SLC24A2: variants seen among roughly 807,000 people sequenced by gnomAD.
SLC24A2 encodes the protein solute carrier family 24 member 2, also known as sodium/potassium/calcium exchanger 2.
In SLC24A2, 36 loss-of-function variants were observed where a neutral mutation model predicts 62.0. That is an observed-to-expected ratio of 0.58 (90% CI 0.44 to 0.77). The LOEUF is 0.77. Among genes scored for constraint, SLC24A2 ranks in the 30% least tolerant of loss-of-function variants. SLC24A2 has a pLI of 0.00. For synonymous variants in SLC24A2, 358 were observed against 294.0 expected (o/e 1.22, Z -2.23); for missense variants, 846 against 817.9 (o/e 1.03, Z -0.42).
the SLC24A2 span, among the ~76,000 whole-genome samples, chr9:19,850,388 C>G: frequency 1.3e-5 from 2 of 152,034 alleles, no homozygotes; most frequent in African/African-American, 2.4e-5. Flanking sequence ...AGATAACAAA[C>G]TTTTTAAATG....
At chr9:20,110,895 T>G in the SLC24A2 span, among the ~76,000 whole-genome samples, 1 of 152,182 alleles carries the variant, frequency 6.6e-6, no homozygotes, top group Non-Finnish European at 1.5e-5. Flanking sequence ...ATCTCTCAAA[T>G]GAGGATCCAT....
At position 19,513,297 on chromosome 9, in the gene SLC24A2, T is replaced by G. The variant is rs1234330235; in HGVS notation, c.*2856A>C. 2 of 151,694 alleles carry G rather than the reference T, an allele frequency of 1.3e-5. No homozygotes were observed. The highest frequency in any genetic ancestry group is 2.9e-5 in the Non-Finnish European group (2 of 67,974). 9.4% of individuals were successfully genotyped at this position (151,694 alleles called of 1,614,324 possible). ...AGTTCTTATAATTATGCCAATGATT[T>G]GAATGGTTTAAAGACCCATTGTTGA... On this transcript the variant is annotated 3_prime_UTR_variant, in exon 11 of 11. Transcript: ENST00000341998.
At chr9:20,156,688 T>C in the SLC24A2 span, among the ~76,000 whole-genome samples, 1 of 151,800 alleles carries the variant, frequency 6.6e-6, no homozygotes, top group Non-Finnish European at 1.5e-5. Flanking sequence ...TTCCTGTTTA[T>C]ACTGAATCCT....
At position 19,622,290 on chromosome 9, in the gene SLC24A2, C is replaced by A; in HGVS notation, c.940G>T (p.Ala314Ser). 6.2e-7 allele frequency: 1 copy of A among 1,613,046 alleles called. No individual in the cohort carries two copies. Among genetic ancestry groups the A allele is most frequent in the Non-Finnish European group, 8.5e-7 (1 of 1,179,234 alleles). ...AGAGTTGGTTCATCCTTGTCCCTGGCTGCAGATGGCTGCATAAGAGAAAAA... is the reference window on the plus strand; with the variant it reads ...AGAGTTGGTTCATCCTTGTCCCTGGATGCAGATGGCTGCATAAGAGAAAAA... ...APEAQAKPSAARDKDEPTLPA... is the reference protein window; with the variant it reads ...APEAQAKPSASRDKDEPTLPA... The change falls in exon 3 of 11, where the codon GCC becomes TCC. Residue 314 changes from alanine (A) to serine (S), a missense_variant. Physicochemically the swap from Ala to Ser is moderately conservative, Grantham distance 99. Transcript: ENST00000341998.
chr9:20,143,136 T>G, the SLC24A2 span, among the ~76,000 whole-genome samples: 1 of 152,164 alleles, frequency 6.6e-6, no homozygotes, highest in East Asian at 1.9e-4. Flanking sequence ...AATGGCAGCC[T>G]TTACCAATAG....
At chr9:19,641,014 T>C (rs965572521) in intron 2 of SLC24A2, among the ~76,000 whole-genome samples, 2 of 152,218 alleles carry the variant, frequency 1.3e-5, no homozygotes, top group African/African-American at 4.8e-5. Context: ...TTGGTTGCTG[T>C]GTAGTTTGGC....
intron 2 of SLC24A2, among the ~76,000 whole-genome samples, chr9:19,778,130 C>G (rs1176630980): frequency 6.6e-6 from 1 of 152,106 alleles, no homozygotes; most frequent in Non-Finnish European, 1.5e-5. Flanking sequence ...AATCTATAGT[C>G]TGAAATTTCT....
chr9:20,091,518 C>T, the SLC24A2 span, among the ~76,000 whole-genome samples: 1 of 151,732 alleles, frequency 6.6e-6, no homozygotes, highest in Non-Finnish European at 1.5e-5. Context: ...AGAAACCCTA[C>T]AAGCCAGAAG....
the SLC24A2 span, among the ~76,000 whole-genome samples, chr9:20,256,172 C>A: frequency 3.9e-5 from 6 of 152,340 alleles, no homozygotes; most frequent in African/African-American, 1.4e-4. Flanking sequence ...CACCTCCCAA[C>A]ACTGTTGCCT....
the SLC24A2 span, among the ~76,000 whole-genome samples, chr9:19,943,315 T>C: frequency 6.6e-6 from 1 of 152,206 alleles, no homozygotes; most frequent in Non-Finnish European, 1.5e-5. Flanking sequence ...ACCTGGGCTT[T>C]CATGTACTCA....
At chr9:19,712,556 A>C (rs533530125) in intron 2 of SLC24A2, among the ~76,000 whole-genome samples, 3 of 152,302 alleles carry the variant, frequency 2.0e-5, no homozygotes, top group African/African-American at 4.8e-5. Context: ...AATGAGAGGC[A>C]GGAGTCTTGC....
chr9:19,531,613 A>G (rs1339882333), intron 8 of SLC24A2, among the ~76,000 whole-genome samples: 2 of 152,090 alleles, frequency 1.3e-5, no homozygotes, highest in Non-Finnish European at 2.9e-5. Flanking sequence ...AATTAGCTAT[A>G]TCCTTACTGA....
chr9:19,600,818 T>C (rs1409426481), intron 4 of SLC24A2, among the ~76,000 whole-genome samples: 5 of 152,320 alleles, frequency 3.3e-5, no homozygotes, highest in African/African-American at 1.2e-4. Context: ...TTTCTGCTGC[T>C]GTCCTTTTGA....
chr9:19,626,372 T>A (rs140974584), intron 2 of SLC24A2, among the ~76,000 whole-genome samples: 261 of 152,306 alleles, frequency 1.7e-3, no homozygotes, highest in Middle Eastern at 0.01. Context: ...ATCAAATGGG[T>A]CACCATGAAG....
the SLC24A2 span, among the ~76,000 whole-genome samples, chr9:19,863,071 T>C: frequency 9.9e-5 from 15 of 152,082 alleles, no homozygotes; most frequent in East Asian, 2.5e-3. Context: ...TTCCATGCCA[T>C]TGGAAGCCAA....
the SLC24A2 span, among the ~76,000 whole-genome samples, chr9:20,067,796 C>A: frequency 6.6e-6 from 1 of 152,062 alleles, no homozygotes; most frequent in African/African-American, 2.4e-5. Context: ...CTGATGGGCA[C>A]CTAGGTTGAT....
intron 2 of SLC24A2, among the ~76,000 whole-genome samples, chr9:19,740,428 A>T (rs1288286222): frequency 6.6e-6 from 1 of 152,218 alleles, no homozygotes; most frequent in East Asian, 1.9e-4. Context: ...ATGCAACAAC[A>T]TGAATAAATC....
chr9:20,102,936 T>A, the SLC24A2 span, among the ~76,000 whole-genome samples: 1 of 152,102 alleles, frequency 6.6e-6, no homozygotes, highest in Non-Finnish European at 1.5e-5. Flanking sequence ...GGAGTTCCCT[T>A]TCCTAGTCAA....
the SLC24A2 span, among the ~76,000 whole-genome samples, chr9:20,155,927 A>G: frequency 1.3e-5 from 2 of 151,840 alleles, no homozygotes; most frequent in Admixed American, 6.6e-5. Flanking sequence ...ATAAAAACTA[A>G]ATACAACACA....
Sources: gnomAD v4.1 joint callset for allele counts (sites outside exome capture counted in the v4.1 genomes callset) on GRCh38, gnomAD v4.1.1 for gene constraint, MANE v1.5 for transcripts, NCBI Gene and HGNC (gene_info 2026-07-23, HGNC 2026-07-21) for gene names.